The following RAI1 variants were observed in gnomAD, a reference collection of about 807,000 sequenced individuals.
RAI1 encodes retinoic acid induced 1.
A neutral mutation model predicts 123.8 loss-of-function variants in RAI1; 9 were observed. The observed-to-expected ratio is 0.07, with a 90% CI of 0.04 to 0.13. The LOEUF (loss-of-function observed/expected upper bound fraction) is 0.13, where lower values mean the gene tolerates loss of function less well. Among genes scored for constraint, RAI1 ranks in the 10% least tolerant of loss-of-function variants. RAI1 has a pLI of 1.00. For synonymous variants in RAI1, 1,231 were observed against 1,127.3 expected, an observed-to-expected ratio of 1.09 and a Z score of -1.84; for missense variants, 2,256 against 2,545.8, an observed-to-expected ratio of 0.89 and a Z score of 2.45.
chr17:17,740,202 A>T (rs1409046921), intron 2 of RAI1, among the ~76,000 whole-genome samples: 1 of 152,128 alleles, frequency 6.6e-6, no homozygotes, highest in Non-Finnish European at 1.5e-5. Context: ...CTCAGGGGGA[A>T]AGGAGCTGTG....
At chr17:17,688,788 C>CGGGG (rs1471994615) in intron 1 of RAI1, among the ~76,000 whole-genome samples, 1 of 151,062 alleles carries the variant, frequency 6.6e-6, no homozygotes, top group Admixed American at 6.6e-5. Flanking sequence ...TTAGTAGAGA[C>CGGGG]GGGGTTTCAC....
At position 17,810,585 on chromosome 17, in the gene RAI1, G is replaced by C. The variant is rs543481441; in HGVS notation, c.*604G>C. 40 of 331,774 alleles carry C rather than the reference G, an allele frequency of 1.2e-4. No homozygotes were observed. Among genetic ancestry groups the C allele is most frequent in the Middle Eastern group, 1.1e-3 (1 of 920 alleles). The allele number at this position is 331,774 out of a possible 1,614,324, so 20.6% of individuals were successfully genotyped here. On this transcript the variant is annotated 3_prime_UTR_variant, in exon 6 of 6. Coordinates refer to ENST00000353383, the MANE Select transcript of RAI1 (RefSeq NM_030665.4). The surrounding 1 kb of genome is among the most constrained non-coding windows in gnomAD (Gnocchi z 4.6). Reference sequence around the variant, plus strand: ...GAACAAACCGTGCGGAACGCGTCCAGGGGCCTTCCCGCCCAGCCTTTGCCA... The same window carrying C: ...GAACAAACCGTGCGGAACGCGTCCACGGGCCTTCCCGCCCAGCCTTTGCCA...
Position 17,795,340 on chromosome 17 carries a change from C to CT in RAI1, c.2392_2393insT (p.Pro798LeufsTer38). 6.2e-7 allele frequency: 1 copy of CT among 1,600,306 alleles called. No homozygotes were observed. The highest frequency in any genetic ancestry group is 8.5e-7 in the Non-Finnish European group (1 of 1,170,818). On this transcript the variant is annotated frameshift_variant, in exon 3 of 6. Transcript: ENST00000353383. LOFTEE classifies it high-confidence loss of function. The surrounding 1 kb of genome is among the most constrained non-coding windows in gnomAD (Gnocchi z 5.9). ...CTGCCTGGGCTTCCAGGAGGAGGACCCCCCTGGGGAGAAGGTGGCCTCGTT... is the reference window on the plus strand; with the variant it reads ...CTGCCTGGGCTTCCAGGAGGAGGACCTCCCCTGGGGAGAAGGTGGCCTCGTT...
chr17:17,795,834 A>C lies in RAI1; in HGVS notation c.2886A>C (p.Pro962=). The change falls in exon 3 of 6, where the codon CCA becomes CCC. Residue 962 remains proline (P), a synonymous_variant. Transcript: ENST00000353383. The surrounding 1 kb of genome is among the most constrained non-coding windows in gnomAD (Gnocchi z 5.9). ...GEEGPDGERA[P]GDSTTSDASL... is the part of the protein sequence containing the mutation. ...AGGGGCCTGATGGGGAGCGAGCTCC[A>C]GGGGATTCCACCACCTCGGACGCCT... 1 of 1,613,466 alleles carries C rather than the reference A, an allele frequency of 6.2e-7. No homozygotes were observed.
At chr17:17,697,222 G>C (rs557376420) in intron 1 of RAI1, among the ~76,000 whole-genome samples, 1 of 152,362 alleles carries the variant, frequency 6.6e-6, no homozygotes, top group South Asian at 2.1e-4. Flanking sequence ...TGGGGAAAAA[G>C]CTGAAGAGAC....
intron 2 of RAI1, among the ~76,000 whole-genome samples, chr17:17,753,614 A>C (rs889667364): frequency 1.3e-5 from 2 of 152,218 alleles, no homozygotes; most frequent in African/African-American, 4.8e-5. Flanking sequence ...ACCACCCCGA[A>C]GTTTGTACTA....
Position 17,809,550 on chromosome 17 carries a change from G to A in RAI1, c.5709+111G>A. 1 of 1,242,468 alleles carries A rather than the reference G, an allele frequency of 8.0e-7. No individual in the cohort carries two copies. Among genetic ancestry groups the A allele is most frequent in the Non-Finnish European group, 1.2e-6 (1 of 857,386 alleles). 77.0% of individuals were successfully genotyped at this position (1,242,468 alleles called of 1,614,324 possible). A position where few individuals can be genotyped will look rare whatever the true frequency, so the allele number is the denominator to read the frequency against. On this transcript the variant is annotated intron_variant, in intron 5 of 5. Coordinates refer to ENST00000353383, the MANE Select transcript of RAI1 (RefSeq NM_030665.4). This position sits in a 1 kb window ranked among gnomAD's most constrained non-coding sequence, Gnocchi z 4.9. ...CCCCTTGGCTGCGCAGCCCCGCAGG[G>A]CCCAGCCCTAGGGGAGGGAGCTCTC...
At chr17:17,784,552 G>A (rs2031752233) in intron 2 of RAI1, among the ~76,000 whole-genome samples, 1 of 152,216 alleles carries the variant, frequency 6.6e-6, no homozygotes, top group Non-Finnish European at 1.5e-5. Flanking sequence ...GACCTAGAAT[G>A]TGCTCTGCAA....
chr17:17,782,374 G>A (rs1418554381), intron 2 of RAI1, among the ~76,000 whole-genome samples: 1 of 151,960 alleles, frequency 6.6e-6, no homozygotes, highest in African/African-American at 2.4e-5. Context: ...TCCAGGGGAG[G>A]TGGCGTTGGG....
intron 2 of RAI1, among the ~76,000 whole-genome samples, chr17:17,748,577 CAG>C (rs2030019965): frequency 1.3e-5 from 2 of 152,320 alleles, no homozygotes; most frequent in East Asian, 1.9e-4. Context: ...AGCTAAGGAT[CAG>C]AGAGGGGAGG....
intron 2 of RAI1, among the ~76,000 whole-genome samples, chr17:17,788,391 T>C (rs1033314311): frequency 1.2e-4 from 19 of 152,140 alleles, no homozygotes; most frequent in African/African-American, 2.7e-4. Context: ...ATTGAGCCCA[T>C]ACGATAGCAG....
At chr17:17,756,050 C>T (rs2030424587) in intron 2 of RAI1, among the ~76,000 whole-genome samples, 1 of 152,236 alleles carries the variant, frequency 6.6e-6, no homozygotes, top group African/African-American at 2.4e-5. Context: ...GGCCAGCCTC[C>T]ATGTGGGGTC....
intron 1 of RAI1, chr17:17,684,309 C>G (rs1462423549): frequency 1.3e-5 from 2 of 152,096 alleles, no homozygotes; most frequent in African/African-American, 4.8e-5. Flanking sequence ...TGAAATAACT[C>G]CCTTACTGTG....
At position 17,737,763 on chromosome 17, in the gene RAI1, C is replaced by T. The variant is rs1229630700; in HGVS notation, c.-17+13604C>T. On this transcript the variant is annotated intron_variant, in intron 2 of 5. Transcript: ENST00000353383. ...ATGGGCAAGGGTCCAGGGCCCTTCT[C>T]GGGCTCAGCCTGATTTCAGGGCGGG... is the stretch of plus-strand genomic sequence containing the variant. Among the ~76,000 whole-genome samples the T allele has an allele frequency of 3.9e-5, 6 of 152,172 alleles. No individual in the cohort carries two copies. The East Asian group carries it at 9.6e-4, about 24-fold the overall frequency.
intron 2 of RAI1, among the ~76,000 whole-genome samples, chr17:17,734,111 C>T (rs1178697267): frequency 6.6e-6 from 1 of 152,114 alleles, no homozygotes; most frequent in East Asian, 1.9e-4. Context: ...ATGCCTGAGG[C>T]AGACGTTGAA....
intron 2 of RAI1, among the ~76,000 whole-genome samples, chr17:17,724,826 C>T (rs1043467337): frequency 6.6e-6 from 1 of 152,186 alleles, no homozygotes; most frequent in African/African-American, 2.4e-5. Context: ...TCCTCCCTTC[C>T]TCGGCGGCTT....
At chr17:17,707,965 G>C (rs1160615469) in intron 1 of RAI1, among the ~76,000 whole-genome samples, 1 of 152,120 alleles carries the variant, frequency 6.6e-6, no homozygotes, top group Non-Finnish European at 1.5e-5. Context: ...CTATCTCACA[G>C]GCTCCCTCAG....
At chr17:17,710,505 G>T (rs746427136) in intron 1 of RAI1, among the ~76,000 whole-genome samples, 4 of 152,228 alleles carry the variant, frequency 2.6e-5, no homozygotes, top group Non-Finnish European at 5.9e-5. Flanking sequence ...GGGCCTGTGA[G>T]TCAGAGGCTG....
In RAI1 at chr17:17,800,482, G is replaced by A. The variant is rs1437759799; in HGVS notation, c.5565+1969G>A. ...GCCAGCACTGGCCGGCCGAAGGGAG[G>A]AGGGGTCAGCCCCGAGCACCGACCA... On this transcript the variant is annotated intron_variant, in intron 3 of 5. Coordinates refer to ENST00000353383, the MANE Select transcript of RAI1 (RefSeq NM_030665.4). This position sits in a 1 kb window ranked among gnomAD's most constrained non-coding sequence, Gnocchi z 4.7. Among the ~76,000 whole-genome samples the A allele has an allele frequency of 1.3e-5, 2 of 152,204 alleles. No homozygotes were observed. The highest frequency in any genetic ancestry group is 4.8e-5 in the African/African-American group (2 of 41,446).
Sources: allele counts gnomAD v4.1 joint callset (sites outside exome capture counted in the v4.1 genomes callset), GRCh38; gene constraint gnomAD v4.1.1; non-coding constraint Gnocchi (gnomAD v3.1); transcripts MANE v1.5; gene names NCBI Gene and HGNC (gene_info 2026-07-23, HGNC 2026-07-21).